APOL1: variants seen among roughly 807,000 people sequenced by gnomAD.
APOL1 encodes the protein apolipoprotein L1, also known as apolipoprotein L 1.
Under a neutral mutation model 14.9 loss-of-function variants are expected in APOL1, and 17 were observed. The observed-to-expected ratio is 1.14, with a 90% CI of 0.78 to 1.71. The LOEUF (loss-of-function observed/expected upper bound fraction) is 1.71, where lower values mean the gene tolerates loss of function less well. Ranked by LOEUF, APOL1 falls within the 40% of genes most tolerant of loss-of-function variation. The pLI is 0.00. For synonymous variants in APOL1, 195 were observed against 184.8 expected (o/e 1.05, Z -0.45); for missense variants, 523 against 485.9 (o/e 1.08, Z -0.72).
intron 5 of APOL1, among the ~76,000 whole-genome samples, chr22:36,264,737 T>C (rs2016176582): frequency 6.6e-6 from 1 of 152,070 alleles, no homozygotes; most frequent in African/African-American, 2.4e-5. Flanking sequence ...ATTTGATCGA[T>C]AGTGAAAGCT....
At chr22:36,263,906 G>C (rs891205831) in intron 5 of APOL1, among the ~76,000 whole-genome samples, 4 of 152,140 alleles carry the variant, frequency 2.6e-5, no homozygotes, top group African/African-American at 9.7e-5. Context: ...TCTCACTAAA[G>C]GCAGGTCAGA....
rs866940019 is a variant in APOL1, at chr22:36,266,900, A to C, written c.*867A>C. On this transcript the variant is annotated 3_prime_UTR_variant, in exon 6 of 6. Transcript: ENST00000397278. Reference sequence around the variant, plus strand: ...AGCCTGGGTGACAGAGCGAGACTCCATCTCAAAAAAAAAAAAAAAAAGAAT... The same window carrying C: ...AGCCTGGGTGACAGAGCGAGACTCCCTCTCAAAAAAAAAAAAAAAAAGAAT... 2 of 185,200 alleles carry C rather than the reference A, an allele frequency of 1.1e-5. No individual in the cohort carries two copies. Among genetic ancestry groups the C allele is most frequent in the Non-Finnish European group, 2.1e-5 (2 of 93,632 alleles). The allele number at this position is 185,200 out of a possible 1,614,324, so 11.5% of individuals were successfully genotyped here. A position where few individuals can be genotyped will look rare whatever the true frequency, so the allele number is the denominator to read the frequency against.
At chr22:36,254,373 G>A (rs2146293684) in intron 1 of APOL1, among the ~76,000 whole-genome samples, 1 of 152,096 alleles carries the variant, frequency 6.6e-6, no homozygotes, top group East Asian at 1.9e-4. Context: ...AGACAGCCTG[G>A]GAAACACAGG....
chr22:36,264,531 A>G (rs2016171146), intron 5 of APOL1, among the ~76,000 whole-genome samples: 1 of 152,164 alleles, frequency 6.6e-6, no homozygotes, highest in Non-Finnish European at 1.5e-5. Flanking sequence ...TTCCCTCTCC[A>G]AACACTTTGG....
At position 36,253,986 on chromosome 22, in the gene APOL1, G is replaced by A. The variant is rs562686037; in HGVS notation, c.-20+767G>A. Reference sequence around the variant, plus strand: ...TCATGAGATTCAAAAGCCACACTGTGGAATTGTGAGTATAACTACAGGAGT... The same window carrying A: ...TCATGAGATTCAAAAGCCACACTGTAGAATTGTGAGTATAACTACAGGAGT... On this transcript the variant is annotated intron_variant, in intron 1 of 5. Transcript: ENST00000397278. The A allele has an allele frequency of 1.9e-6, 3 of 1,614,154 alleles. No homozygotes were observed. In the African/African-American group the frequency reaches 4.0e-5, roughly 22 times the overall value.
At chr22:36,261,803 C>T in intron 5 of APOL1, 81 bp downstream of exon 5, 1 of 1,515,762 alleles carries the variant, frequency 6.6e-7, no homozygotes, top group Non-Finnish European at 9.0e-7. Context: ...CCCTGACAGG[C>T]ACACCTCCTC....
At chr22:36,253,879 C>T (rs756571530) in intron 1 of APOL1, 16 of 1,551,288 alleles carry the variant, frequency 1.0e-5, no homozygotes, top group Admixed American at 5.0e-5. Context: ...TGCTGTGTCC[C>T]TAATGGGAAA....
In APOL1 at chr22:36,266,843, T is replaced by C; in HGVS notation, c.*810T>C. 3.7e-6 allele frequency: 1 copy of C among 269,292 alleles called. No individual in the cohort carries two copies. 16.7% of individuals were successfully genotyped at this position (269,292 alleles called of 1,614,324 possible). On this transcript the variant is annotated 3_prime_UTR_variant, in exon 6 of 6. Transcript: ENST00000397278. ...TGGCGTGAACCTGGGAGGTGGAGCT[T>C]GCAGTGAGCCGAGATATCGCCACTG... is the stretch of plus-strand genomic sequence containing the variant.
intron 5 of APOL1, among the ~76,000 whole-genome samples, chr22:36,262,476 G>A (rs140220003): frequency 1.4e-4 from 22 of 152,182 alleles, no homozygotes; most frequent in Admixed American, 1.2e-3. Flanking sequence ...CAGGTCAAAG[G>A]TGGGGAACCA....
rs747202329 is a variant in APOL1 at position 36,259,854 on chromosome 22, A to G, written c.188-1742A>G. 6.1e-6 allele frequency: 8 copies of G among 1,304,156 alleles called. No individual in the cohort carries two copies. In the African/African-American group the frequency reaches 1.1e-4, roughly 17 times the overall value. The allele number at this position is 1,304,156 out of a possible 1,614,324, so 80.8% of individuals were successfully genotyped here. A position where few individuals can be genotyped will look rare whatever the true frequency, so the allele number is the denominator to read the frequency against. ...GACCAGCAGGAGGAATCTCCTTTGC[A>G]TGGTAGTTGTACTCAATGCTGTGGA... On this transcript the variant is annotated intron_variant, in intron 4 of 5. Coordinates refer to ENST00000397278, the MANE Select transcript of APOL1 (RefSeq NM_003661.4).
rs41311348 is a variant in APOL1, at chr22:36,265,631, TC to T, written c.796del (p.Leu266PhefsTer3). 1 of 1,596,204 alleles carries T rather than the reference TC, an allele frequency of 6.3e-7. No individual in the cohort carries two copies. Among genetic ancestry groups the T allele is most frequent in the South Asian group, 1.1e-5 (1 of 87,582 alleles). Reference protein sequence around the residue: ...EFLGENISNFLSLAGNTYQLT... With the variant: ...EFLGENISNFXSLAGNTYQLT... ...TTTTGGGTGAGAACATATCCAACTT[TC>T]TTTCCTTAGCTGGCAATACTTACCA... On this transcript the variant is annotated frameshift_variant, in exon 6 of 6. Transcript: ENST00000397278. LOFTEE classifies it low-confidence loss of function (END_TRUNC).
intron 4 of APOL1, 89 bp downstream of exon 4, chr22:36,257,496 C>G (rs747718919): frequency 7.6e-6 from 10 of 1,321,964 alleles, no homozygotes; most frequent in Admixed American, 6.7e-5. Flanking sequence ...CCAGAAGAAC[C>G]CGGATGGACT....
intron 4 of APOL1, chr22:36,259,910 G>T: frequency 7.7e-7 from 1 of 1,297,814 alleles, no homozygotes. Context: ...ACTTTAAATA[G>T]CCCCACAGGT....
chr22:36,253,158 G>A lies in APOL1; in HGVS notation c.-81G>A, dbSNP rs1184234598. The stretch of plus-strand genomic sequence containing the variant: ...ATTATACAGACGCATAACTGGAGGT[G>A]GGATCCACACAGCTCAGAACAGCTG... On this transcript the variant is annotated 5_prime_UTR_variant, in exon 1 of 6. Transcript: ENST00000397278. 1 of 502,554 alleles carries A rather than the reference G, an allele frequency of 2.0e-6. No individual in the cohort carries two copies. 31.1% of individuals were successfully genotyped at this position (502,554 alleles called of 1,614,324 possible). A position where few individuals can be genotyped will look rare whatever the true frequency, so the allele number is the denominator to read the frequency against.
In APOL1 at chr22:36,262,555, C is replaced by T. The variant is rs138119083; in HGVS notation, c.314+833C>T. On this transcript the variant is annotated intron_variant, in intron 5 of 5. Transcript: ENST00000397278. ...GTCAGAGCCTGGAGTCAGGATGGAG[C>T]AAGAGTCAGCCTTGGTTGTAGGACA... Among the ~76,000 whole-genome samples, 661 of 152,278 alleles carry T rather than the reference C, an allele frequency of 4.3e-3. 18 individuals carry two copies. Among genetic ancestry groups the T allele is most frequent in the Admixed American group, 0.034 (516 of 15,294 alleles).
intron 5 of APOL1, among the ~76,000 whole-genome samples, chr22:36,263,895 T>A (rs1398882002): frequency 6.6e-6 from 1 of 152,064 alleles, no homozygotes; most frequent in East Asian, 1.9e-4. Context: ...CCTAACAGGA[T>A]TCTCACTAAA....
At chr22:36,256,667 A>C (rs1023498786) in intron 2 of APOL1, among the ~76,000 whole-genome samples, 2 of 152,366 alleles carry the variant, frequency 1.3e-5, no homozygotes, top group South Asian at 4.1e-4. Flanking sequence ...AAGGATTTGC[A>C]ATGAGGAGTC....
At chr22:36,256,990 C>T in intron 2 of APOL1, 93 bp from the exon 3 acceptor site, 5 of 1,391,418 alleles carry the variant, frequency 3.6e-6, no homozygotes, top group East Asian at 2.3e-5. Context: ...GAACCTTCCT[C>T]CCCATCTCTA....
chr22:36,259,526 G>A, intron 4 of APOL1: 1 of 1,156,944 alleles, frequency 8.6e-7, no homozygotes, highest in Middle Eastern at 4.0e-4. Context: ...GCTGTGCTGA[G>A]TCCTGTCCAA....
Sources: allele counts gnomAD v4.1 joint callset (sites outside exome capture counted in the v4.1 genomes callset), GRCh38; gene constraint gnomAD v4.1.1; transcripts MANE v1.5; gene names NCBI Gene and HGNC (gene_info 2026-07-23, HGNC 2026-07-21).